FERMT2: variants seen among roughly 807,000 people sequenced by gnomAD.
FERMT2 encodes the protein FERM domain containing kindlin 2.
In FERMT2, 15 loss-of-function variants were observed where a neutral mutation model predicts 82.7. The observed-to-expected ratio is 0.18, with a 90% CI of 0.12 to 0.28. The LOEUF is 0.28. FERMT2 is among the 10% of genes least tolerant of loss of function. FERMT2 has a pLI of 1.00. For missense variants in FERMT2, 645 were observed against 809.4 expected, an observed-to-expected ratio of 0.80 and a Z score of 2.46; for synonymous variants, 274 against 271.5, an observed-to-expected ratio of 1.01 and a Z score of -0.09.
At chr14:52,912,395 C>T (rs1453795894) in intron 3 of FERMT2, among the ~76,000 whole-genome samples, 2 of 152,026 alleles carry the variant, frequency 1.3e-5, no homozygotes, top group African/African-American at 4.8e-5. Context: ...TAAATTTCTA[C>T]CCATTAATAC....
At chr14:52,922,279 T>G (rs1306082670) in intron 2 of FERMT2, among the ~76,000 whole-genome samples, 2 of 152,048 alleles carry the variant, frequency 1.3e-5, no homozygotes, top group East Asian at 3.9e-4. Context: ...GCCATTACAT[T>G]AAAAACTCTT....
chr14:52,901,999 C>A (rs1412158224), intron 3 of FERMT2, among the ~76,000 whole-genome samples: 2 of 152,118 alleles, frequency 1.3e-5, no homozygotes, highest in African/African-American at 4.8e-5. Context: ...TTATGAGAAA[C>A]AGACACAATG....
chr14:52,921,542 A>G (rs1566751888), intron 2 of FERMT2, among the ~76,000 whole-genome samples: 1 of 152,226 alleles, frequency 6.6e-6, no homozygotes, highest in Admixed American at 6.5e-5. Context: ...TACCTTATAG[A>G]AGACAACCAA....
At chr14:52,913,112 G>A (rs1888419116) in intron 3 of FERMT2, among the ~76,000 whole-genome samples, 2 of 152,156 alleles carry the variant, frequency 1.3e-5, no homozygotes. Flanking sequence ...TTGCAAAAGT[G>A]TAAGAACACA....
chr14:52,887,207 C>T (rs1886665160), intron 4 of FERMT2, among the ~76,000 whole-genome samples: 1 of 150,838 alleles, frequency 6.6e-6, no homozygotes. Context: ...GCGATCTTGG[C>T]TCACTGCAAC....
At chr14:52,907,482 T>C (rs1888080897) in intron 3 of FERMT2, among the ~76,000 whole-genome samples, 1 of 152,086 alleles carries the variant, frequency 6.6e-6, no homozygotes, top group Admixed American at 6.6e-5. Context: ...GAAAAACCAT[T>C]TTGCTCATTT....
chr14:52,877,465 AG>A (rs1886031709), intron 7 of FERMT2, among the ~76,000 whole-genome samples: 1 of 152,024 alleles, frequency 6.6e-6, no homozygotes, highest in Non-Finnish European at 1.5e-5. Context: ...TCAAGTTCCT[AG>A]AAAATAACTG....
chr14:52,874,231 G>T lies in FERMT2; in HGVS notation c.1099-5C>A. On this transcript the variant is annotated splice_polypyrimidine_tract_variant and splice_region_variant and intron_variant, in intron 8 of 14. Transcript: ENST00000341590. ...AGGAATGGAAGTAATGTCACCCTAG[G>T]AGAGAGTTAAATCCTTTTTTAATTT... 2 of 1,573,328 alleles carry T rather than the reference G, an allele frequency of 1.3e-6. No individual in the cohort carries two copies. Among genetic ancestry groups the T allele is most frequent in the South Asian group, 1.2e-5 (1 of 83,368 alleles).
intron 4 of FERMT2, chr14:52,881,876 A>C (rs1195478320): frequency 1.3e-6 from 1 of 789,638 alleles, no homozygotes; most frequent in Non-Finnish European, 1.8e-6. Flanking sequence ...GAAAGGCCAC[A>C]ACAGAGGACA....
At chr14:52,880,681 A>G (rs1329756412) in intron 6 of FERMT2, among the ~76,000 whole-genome samples, 1 of 152,162 alleles carries the variant, frequency 6.6e-6, no homozygotes, top group Non-Finnish European at 1.5e-5. Context: ...ACAGGCGTTG[A>G]GCCACTGCAC....
chr14:52,870,578 T>C (rs969497175), intron 10 of FERMT2, among the ~76,000 whole-genome samples: 26 of 152,146 alleles, frequency 1.7e-4, no homozygotes, highest in Non-Finnish European at 1.0e-4. Context: ...TTAGATATGT[T>C]TAGATAACAA....
In FERMT2 at chr14:52,857,792, A is replaced by G. The variant is rs1024701089; in HGVS notation, c.*585T>C. 1 of 153,010 alleles carries G rather than the reference A, an allele frequency of 6.5e-6. No individual in the cohort carries two copies. Among genetic ancestry groups the G allele is most frequent in the Admixed American group, 6.5e-5 (1 of 15,358 alleles). The allele number at this position is 153,010 out of a possible 1,614,324, so 9.5% of individuals were successfully genotyped here. A position where few individuals can be genotyped will look rare whatever the true frequency, so the allele number is the denominator to read the frequency against. ...AATATGGTGTAAAAATAAAAACACG[A>G]GACAATATACATAACATGCTTATTC... On this transcript the variant is annotated 3_prime_UTR_variant, in exon 15 of 15. Coordinates refer to ENST00000341590, the MANE Select transcript of FERMT2 (RefSeq NM_006832.3).
chr14:52,947,567 T>C (rs557084291), intron 2 of FERMT2, among the ~76,000 whole-genome samples: 19 of 152,366 alleles, frequency 1.2e-4, no homozygotes, highest in Admixed American at 1.1e-3. Context: ...TGTGTTTTAA[T>C]GGCCTTAAGC....
At position 52,860,562 on chromosome 14, in the gene FERMT2, C is replaced by T. The variant is rs1010498492; in HGVS notation, c.1603-97G>A. 6 of 1,005,304 alleles carry T rather than the reference C, an allele frequency of 6.0e-6. No individual in the cohort carries two copies. In the South Asian group the frequency reaches 8.6e-5, roughly 14 times the overall value. 62.3% of individuals were successfully genotyped at this position (1,005,304 alleles called of 1,614,324 possible). A position where few individuals can be genotyped will look rare whatever the true frequency, so the allele number is the denominator to read the frequency against. Reference sequence around the variant, plus strand: ...AAAGATTGAATTACGCACCCCGTACCCCAAAATCATATTGTAAGAGTTGAA... The same window carrying T: ...AAAGATTGAATTACGCACCCCGTACTCCAAAATCATATTGTAAGAGTTGAA... On this transcript the variant is annotated intron_variant, in intron 12 of 14. Transcript: ENST00000341590.
At chr14:52,945,042 A>G (rs1044745252) in intron 2 of FERMT2, among the ~76,000 whole-genome samples, 5 of 152,106 alleles carry the variant, frequency 3.3e-5, no homozygotes, top group African/African-American at 4.8e-5. Flanking sequence ...CTGGGACTAC[A>G]GGTGCGTGCC....
In FERMT2 at chr14:52,864,344, T is replaced by C. The variant is rs528347511; in HGVS notation, c.1602+57A>G. 7.2e-5 allele frequency: 94 copies of C among 1,298,114 alleles called. No homozygotes were observed. In the Middle Eastern group the frequency reaches 1.1e-3, roughly 15 times the overall value. 80.4% of individuals were successfully genotyped at this position (1,298,114 alleles called of 1,614,324 possible). The stretch of plus-strand genomic sequence containing the variant: ...GTTTAAGAGGGGAAAAACAAAGTTA[T>C]GTACAAAATTATAAAAACAAACCAG... On this transcript the variant is annotated intron_variant, in intron 12 of 14. Coordinates refer to ENST00000341590, the MANE Select transcript of FERMT2 (RefSeq NM_006832.3).
intron 1 of FERMT2, 117 bp from the exon 2 acceptor site, chr14:52,950,694 G>T: frequency 9.7e-7 from 1 of 1,032,506 alleles, no homozygotes; most frequent in Admixed American, 2.2e-5. Flanking sequence ...CGGGGCTTTC[G>T]GCAGAAACTC....
At chr14:52,896,999 AACACACACACACACACACACACACAC>A (rs57945447) in intron 3 of FERMT2, among the ~76,000 whole-genome samples, 13 of 137,088 alleles carry the variant, frequency 9.5e-5, no homozygotes, top group East Asian at 8.3e-4. Context: ...AAACAAATAA[AACACACACACACACACACACACACAC>A]ACACACACAC....
At chr14:52,894,901 AAC>A (rs774149228) in intron 3 of FERMT2, among the ~76,000 whole-genome samples, 31 of 130,798 alleles carry the variant, frequency 2.4e-4, no homozygotes, top group African/African-American at 5.5e-4. Context: ...AAAAAAAAAA[AAC>A]CCCAACCTAC....
Sources: allele counts gnomAD v4.1 joint callset (sites outside exome capture counted in the v4.1 genomes callset), GRCh38; gene constraint gnomAD v4.1.1; transcripts MANE v1.5; gene names NCBI Gene and HGNC (gene_info 2026-07-23, HGNC 2026-07-21).